Variants in KCNIP4 observed in about 807,000 individuals in gnomAD.
The protein encoded by KCNIP4 is potassium voltage-gated channel interacting protein 4.
A neutral mutation model predicts 34.0 loss-of-function variants in KCNIP4; 12 were observed. The ratio of observed to expected loss-of-function variants is 0.35; its 90% CI spans 0.23 to 0.57. KCNIP4 has a LOEUF of 0.57. Among genes scored for constraint, KCNIP4 ranks in the 20% least tolerant of loss-of-function variants. KCNIP4 has a pLI of 0.83. For missense variants in KCNIP4, 238 were observed against 311.7 expected (o/e 0.76, Z 1.78); for synonymous variants, 124 against 102.2 (o/e 1.21, Z -1.29).
intron 1 of KCNIP4, among the ~76,000 whole-genome samples, chr4:21,828,109 G>C (rs899070952): frequency 6.6e-5 from 10 of 150,616 alleles, no homozygotes; most frequent in Non-Finnish European, 1.3e-4. Context: ...TTAATAGTAT[G>C]AGAAAATAAA....
At chr4:21,752,469 C>T (rs1717215538) in intron 1 of KCNIP4, among the ~76,000 whole-genome samples, 2 of 152,190 alleles carry the variant, frequency 1.3e-5, no homozygotes, top group East Asian at 3.9e-4. Context: ...GGGCACACTA[C>T]CCCCGTAATC....
intron 1 of KCNIP4, among the ~76,000 whole-genome samples, chr4:21,031,262 G>A (rs770050615): frequency 6.6e-6 from 1 of 152,150 alleles, no homozygotes; most frequent in Non-Finnish European, 1.5e-5. Flanking sequence ...TGAAACACTC[G>A]TTAATTTTTT....
At chr4:21,364,245 C>G (rs761032177) in intron 1 of KCNIP4, among the ~76,000 whole-genome samples, 2 of 152,098 alleles carry the variant, frequency 1.3e-5, no homozygotes, top group Non-Finnish European at 2.9e-5. Context: ...CGCATTTGCT[C>G]TTACACCTAT....
chr4:21,902,216 T>C (rs1012512880), intron 1 of KCNIP4, among the ~76,000 whole-genome samples: 4 of 152,204 alleles, frequency 2.6e-5, no homozygotes, highest in African/African-American at 9.6e-5. Context: ...TGAGGCCTCA[T>C]GAATACAGGG....
chr4:21,844,871 A>G (rs1723910408), intron 1 of KCNIP4: 1 of 151,952 alleles, frequency 6.6e-6, no homozygotes, highest in Admixed American at 6.6e-5. Flanking sequence ...AAAAAAGAGA[A>G]TTATTTCTGT....
In KCNIP4 at chr4:21,499,413, C is replaced by T. The variant is rs186613480; in HGVS notation, c.61+449158G>A. On this transcript the variant is annotated intron_variant, in intron 1 of 8. Transcript: ENST00000382152. ...CACGTTTTTTATTTCAAAGCTTGAACAATACTACATATGCATTGATTACAA... is the reference window on the plus strand; with the variant it reads ...CACGTTTTTTATTTCAAAGCTTGAATAATACTACATATGCATTGATTACAA... Among the ~76,000 whole-genome samples the T allele has an allele frequency of 5.3e-5, 8 of 150,202 alleles. No individual in the cohort carries two copies. In the East Asian group the frequency reaches 1.2e-3, roughly 22 times the overall value.
At chr4:21,504,098 C>T (rs1203119126) in intron 1 of KCNIP4, among the ~76,000 whole-genome samples, 3 of 152,120 alleles carry the variant, frequency 2.0e-5, no homozygotes, top group Admixed American at 2.0e-4. Context: ...TAAACATCTC[C>T]TGAGCAATTT....
chr4:21,545,071 C>T (rs1738023378), intron 1 of KCNIP4, among the ~76,000 whole-genome samples: 1 of 152,096 alleles, frequency 6.6e-6, no homozygotes, highest in Non-Finnish European at 1.5e-5. Context: ...CAAAACCCAC[C>T]AAAAGCAAGA....
At chr4:21,860,665 TAA>T (rs10715165) in intron 1 of KCNIP4, among the ~76,000 whole-genome samples, 52 of 149,536 alleles carry the variant, frequency 3.5e-4, no homozygotes, top group Middle Eastern at 3.5e-3. Context: ...CTACTGATAC[TAA>T]AAAAAAAAAA....
At chr4:21,384,079 C>T (rs779294016) in intron 1 of KCNIP4, among the ~76,000 whole-genome samples, 2 of 152,102 alleles carry the variant, frequency 1.3e-5, no homozygotes. Context: ...GTTCTTCCCT[C>T]TATCCAGAAT....
chr4:21,662,912 AT>A (rs1432582613), intron 1 of KCNIP4, among the ~76,000 whole-genome samples: 1 of 152,244 alleles, frequency 6.6e-6, no homozygotes, highest in Admixed American at 6.5e-5. Flanking sequence ...AGAAAATAAA[AT>A]GCAAAGATAT....
At chr4:21,830,461 A>T (rs1201985033) in intron 1 of KCNIP4, among the ~76,000 whole-genome samples, 1 of 152,056 alleles carries the variant, frequency 6.6e-6, no homozygotes, top group African/African-American at 2.4e-5. Flanking sequence ...GGATCACTTG[A>T]GGTCAGGAGT....
At chr4:21,383,155 G>T (rs1471416274) in intron 1 of KCNIP4, among the ~76,000 whole-genome samples, 2 of 152,200 alleles carry the variant, frequency 1.3e-5, no homozygotes, top group African/African-American at 4.8e-5. Context: ...AAGCCAAGGA[G>T]TGAGGTACCC....
At chr4:21,276,126 G>T (rs1287270722) in intron 1 of KCNIP4, among the ~76,000 whole-genome samples, 3 of 152,176 alleles carry the variant, frequency 2.0e-5, no homozygotes, top group African/African-American at 7.2e-5. Flanking sequence ...GTCCAACCGG[G>T]TAACAAAATA....
At chr4:21,394,812 C>T (rs1318080203) in intron 1 of KCNIP4, among the ~76,000 whole-genome samples, 1 of 152,106 alleles carries the variant, frequency 6.6e-6, no homozygotes, top group Non-Finnish European at 1.5e-5. Context: ...TCAGGGTGTA[C>T]ATTTTCACCC....
chr4:21,433,224 TAA>T (rs1243625149), intron 1 of KCNIP4, among the ~76,000 whole-genome samples: 2 of 152,196 alleles, frequency 1.3e-5, no homozygotes, highest in African/African-American at 4.8e-5. Context: ...CATACGTAAC[TAA>T]GTTTTCTGTT....
At chr4:21,178,815 CTTTT>C (rs10611485) in intron 1 of KCNIP4, among the ~76,000 whole-genome samples, 3 of 136,776 alleles carry the variant, frequency 2.2e-5, no homozygotes, top group African/African-American at 5.4e-5. Flanking sequence ...TAACACCAAA[CTTTT>C]TTTTTTTTTT....
At chr4:20,733,382 C>T (rs1560407886) in intron 6 of KCNIP4, among the ~76,000 whole-genome samples, 1 of 152,144 alleles carries the variant, frequency 6.6e-6, no homozygotes, top group Non-Finnish European at 1.5e-5. Context: ...TTTGCCTTAC[C>T]ACTTTCATTC....
intron 1 of KCNIP4, among the ~76,000 whole-genome samples, chr4:21,042,929 T>C (rs1742092360): frequency 6.6e-6 from 1 of 152,196 alleles, no homozygotes. Flanking sequence ...AGATTTCTTT[T>C]AAAGGGGAGC....
Sources: gnomAD v4.1 joint callset for allele counts (sites outside exome capture counted in the v4.1 genomes callset) on GRCh38, gnomAD v4.1.1 for gene constraint, MANE v1.5 for transcripts, NCBI Gene and HGNC (gene_info 2026-07-23, HGNC 2026-07-21) for gene names.